Variants in IGSF22 observed in about 807,000 individuals in gnomAD.
IGSF22 encodes immunoglobulin superfamily, member 22.
A neutral mutation model predicts 127.0 loss-of-function variants in IGSF22; 119 were observed. The ratio of observed to expected loss-of-function variants is 0.94; its 90% CI spans 0.81 to 1.09. The LOEUF is 1.09. Ranked by LOEUF, IGSF22 falls within the 50% of genes least tolerant of loss-of-function variation. IGSF22 has a pLI of 0.00. For missense variants in IGSF22, 1,518 were observed against 1,716.6 expected, an observed-to-expected ratio of 0.88 and a Z score of 2.04; for synonymous variants, 568 against 664.7, an observed-to-expected ratio of 0.85 and a Z score of 2.24.
intron 7 of IGSF22, 65 bp downstream of exon 7, chr11:18,719,651 C>T (rs1037079835): frequency 1.3e-6 from 2 of 1,511,002 alleles, no homozygotes; most frequent in African/African-American, 2.8e-5. Flanking sequence ...AATACACAGG[C>T]ACTAGCACTT....
chr11:18,719,691 C>A, intron 7 of IGSF22, 25 bp downstream of exon 7: 1 of 1,607,720 alleles, frequency 6.2e-7, no homozygotes, highest in Non-Finnish European at 8.5e-7. Flanking sequence ...AGCCTGCAGG[C>A]CCCTGCTCCC....
At position 18,713,309 on chromosome 11, in the gene IGSF22, C is replaced by T. The variant is rs117483044; in HGVS notation, c.2095+543G>A. On this transcript the variant is annotated intron_variant, in intron 14 of 22. Transcript: ENST00000513874. ...CTGGAATTACAGGTATGTGCCACTA[C>T]GCTCGGCTAATTTTTGTATTTTTAG... 3.1e-3 allele frequency among the ~76,000 whole-genome samples: 468 copies of T among 152,190 alleles called. 1 individual carries two copies. Among genetic ancestry groups the T allele is most frequent in the South Asian group, 5.6e-3 (27 of 4,826 alleles).
chr11:18,720,325 A>G (rs767384745), intron 4 of IGSF22, 40 bp from the exon 5 acceptor site: 26 of 1,532,222 alleles, frequency 1.7e-5, no homozygotes, highest in Non-Finnish European at 2.3e-5. Flanking sequence ...AAGGAAAAGG[A>G]ACCACAGGGA....
chr11:18,711,066 G>A (rs1009855024), intron 15 of IGSF22, among the ~76,000 whole-genome samples: 5 of 152,102 alleles, frequency 3.3e-5, no homozygotes, highest in African/African-American at 1.2e-4. Context: ...ATGAGCCACA[G>A]TGCCTGGCAC....
At chr11:18,720,406 A>T in intron 4 of IGSF22, 121 bp from the exon 5 acceptor site, 1 of 679,944 alleles carries the variant, frequency 1.5e-6, no homozygotes, top group Non-Finnish European at 2.5e-6. Context: ...TGTTGGGTAT[A>T]TGTGTGGAGG....
rs1410790689 is a variant in IGSF22, at chr11:18,709,626, G to A, written c.2759C>T (p.Ser920Phe). The A allele has an allele frequency of 1.2e-6, 2 of 1,614,170 alleles. No homozygotes were observed. Among genetic ancestry groups the A allele is most frequent in the Non-Finnish European group, 8.5e-7 (1 of 1,180,040 alleles). ...CTCTGCAGGCTCCCGCCAGGCCAGG[G>A]AAATGCTGGAGTTGGAGGAATCAGA... ...HVSDSSNSSI[S>F]LAWREPAEGD... The change falls in exon 18 of 23, where the codon TCC (serine) becomes TTC (phenylalanine). Residue 920 changes from serine (S) to phenylalanine (F), a missense_variant. Around this residue, in one of 3 missense-constraint regions of IGSF22, gnomAD observed 1,456 missense variants for 1,644.9 expected, o/e 0.89. Transcript: ENST00000513874. The surrounding 1 kb of genome is among the most constrained non-coding windows in gnomAD (Gnocchi z 4.8).
Position 18,713,962 on chromosome 11 carries a change from T to C in IGSF22, c.1985A>G (p.Gln662Arg), listed in dbSNP as rs1848406001. The C allele has an allele frequency of 2.5e-6, 4 of 1,614,146 alleles. No homozygotes were observed. The highest frequency in any genetic ancestry group is 1.7e-6 in the Non-Finnish European group (2 of 1,180,046). ...ERVSMERGED[Q>R]ALLTISNCVR... ...ACAGTTGGAGATGGTGAGCAGTGCC[T>C]GGTCTTCCCCGCGCTCCATGGACAC... Residue 662 changes from glutamine (Q) to arginine (R), a missense_variant, in exon 14 of 23, where the codon CAG becomes CGG. Transcript: ENST00000513874.
chr11:18,724,254 G>A lies in IGSF22; in HGVS notation c.-18C>T, dbSNP rs777246709. On this transcript the variant is annotated 5_prime_UTR_variant, in exon 2 of 23. Coordinates refer to ENST00000513874, the MANE Select transcript of IGSF22 (RefSeq NM_173588.4). ...GTTGTCATGGTGACAGCAGGCGTGG[G>A]CACTCACCTGTGAGACTGGGGAAGA... The A allele has an allele frequency of 1.3e-6, 2 of 1,587,052 alleles. No individual in the cohort carries two copies. The highest frequency in any genetic ancestry group is 1.7e-4 in the Middle Eastern group (1 of 6,016).
intron 3 of IGSF22, 107 bp downstream of exon 3, chr11:18,721,803 C>A: frequency 1.3e-6 from 2 of 1,586,356 alleles, no homozygotes; most frequent in African/African-American, 1.3e-5. Context: ...CTCGGCCAGG[C>A]TCTGCCAGGG....
chr11:18,721,429 C>T (rs764394935), intron 4 of IGSF22, 106 bp downstream of exon 4: 121 of 1,487,852 alleles, frequency 8.1e-5, no homozygotes, highest in Non-Finnish European at 9.9e-5. Flanking sequence ...CTGCCCGGCT[C>T]TCGGGCCGCC....
intron 14 of IGSF22, 44 bp downstream of exon 14, chr11:18,713,808 A>T: frequency 6.8e-7 from 1 of 1,466,646 alleles, no homozygotes; most frequent in Non-Finnish European, 9.3e-7. Flanking sequence ...TCTGGGCAGC[A>T]GGTGCCCTCA....
rs1378009434 is a variant in IGSF22 at position 18,716,930 on chromosome 11, C to T, written c.1044G>A (p.Glu348=). The part of the protein sequence containing the change: ...KVTERQTAVF[E]IRLSKKEPNF... ...TGGGCTCTTTCTTGGAGAGGCGGAT[C>T]TCAAACACAGCTGTCTGGCGCTCTG... The change falls in exon 10 of 23, where the codon GAG becomes GAA. Residue 348 remains glutamate, a synonymous_variant. Transcript: ENST00000513874. This position sits in a 1 kb window ranked among gnomAD's most constrained non-coding sequence, Gnocchi z 4.5. The T allele has an allele frequency of 6.2e-7, 1 of 1,614,218 alleles. No homozygotes were observed. The highest frequency in any genetic ancestry group is 8.5e-7 in the Non-Finnish European group (1 of 1,180,038).
At chr11:18,712,475 G>T in intron 14 of IGSF22, 91 bp from the exon 15 acceptor site, 1 of 1,200,454 alleles carries the variant, frequency 8.3e-7, no homozygotes, top group Non-Finnish European at 1.1e-6. Context: ...CCAGACTAGG[G>T]TATAGCTGGA....
In IGSF22 at chr11:18,714,023, A is replaced by G; in HGVS notation, c.1924T>C (p.Tyr642His). Residue 642 changes from tyrosine (Y) to histidine (H), a missense_variant, in exon 14 of 23, where the codon TAC becomes CAC. Tyr to His is a moderately conservative substitution (Grantham distance 83). Around this residue, in one of 3 missense-constraint regions of IGSF22, gnomAD observed 1,456 missense variants for 1,644.9 expected, o/e 0.89. Coordinates refer to ENST00000513874, the MANE Select transcript of IGSF22 (RefSeq NM_173588.4). Reference protein sequence around the residue: ...RGKPLPKVTWYKDGMEVTEEE... With the variant: ...RGKPLPKVTWHKDGMEVTEEE... ...TCCGTCACTTCCATGCCATCCTTGT[A>G]CCATGTCACTTTGGGCAGTGGTTTT... 1.2e-6 allele frequency: 2 copies of G among 1,614,228 alleles called. No homozygotes were observed. Among genetic ancestry groups the G allele is most frequent in the African/African-American group, 2.7e-5 (2 of 75,072 alleles).
intron 1 of IGSF22, among the ~76,000 whole-genome samples, chr11:18,725,403 T>C (rs1380009017): frequency 6.6e-6 from 1 of 151,904 alleles, no homozygotes; most frequent in Non-Finnish European, 1.5e-5. Flanking sequence ...GCTGGGATTA[T>C]AGGTGTGAGC....
rs373249003 is a variant in IGSF22 at position 18,709,135 on chromosome 11, C to T, written c.2998+252G>A. Among the ~76,000 whole-genome samples the T allele has an allele frequency of 2.0e-5, 3 of 152,166 alleles. No individual in the cohort carries two copies. The highest frequency in any genetic ancestry group is 4.4e-5 in the Non-Finnish European group (3 of 68,034). ...CTGTGGTCTCAGTGAACTGGTTTTGCGTGTACAATGCGCAAGAAGAACCCA... is the reference window on the plus strand; with the variant it reads ...CTGTGGTCTCAGTGAACTGGTTTTGTGTGTACAATGCGCAAGAAGAACCCA... On this transcript the variant is annotated intron_variant, in intron 18 of 22. Transcript: ENST00000513874. The surrounding 1 kb of genome is among the most constrained non-coding windows in gnomAD (Gnocchi z 4.8).
rs1258221145 is a variant in IGSF22 at position 18,721,518 on chromosome 11, G to A, written c.378+17C>T. Reference sequence around the variant, plus strand: ...TCTGGCCTTCTCGGTAACTGGACTTGGGCTTGGCCCCCGCACCTTCAGCAC... The same window carrying A: ...TCTGGCCTTCTCGGTAACTGGACTTAGGCTTGGCCCCCGCACCTTCAGCAC... On this transcript the variant is annotated intron_variant, in intron 4 of 22. Coordinates refer to ENST00000513874, the MANE Select transcript of IGSF22 (RefSeq NM_173588.4). 6.2e-7 allele frequency: 1 copy of A among 1,614,004 alleles called. No homozygotes were observed. Among genetic ancestry groups the A allele is most frequent in the Non-Finnish European group, 8.5e-7 (1 of 1,180,016 alleles).
intron 21 of IGSF22, 25 bp downstream of exon 21, chr11:18,706,889 C>T: frequency 2.0e-6 from 3 of 1,468,652 alleles, no homozygotes; most frequent in Non-Finnish European, 1.8e-6. Context: ...CCAGACTTAA[C>T]CCTAACTGCA....
intron 22 of IGSF22, among the ~76,000 whole-genome samples, chr11:18,705,053 G>A (rs757483023): frequency 3.9e-5 from 6 of 151,900 alleles, no homozygotes; most frequent in Admixed American, 2.6e-4. Flanking sequence ...CCCAAAGAAA[G>A]GTATCTATAA....
Sources: allele counts gnomAD v4.1 joint callset (sites outside exome capture counted in the v4.1 genomes callset), GRCh38; gene constraint gnomAD v4.1.1; regional missense constraint gnomAD v4.1.1; non-coding constraint Gnocchi (gnomAD v3.1); transcripts MANE v1.5; gene names NCBI Gene and HGNC (gene_info 2026-07-23, HGNC 2026-07-21).